Variants in APPBP2 observed in about 807,000 individuals in gnomAD.
The protein encoded by APPBP2 is amyloid protein-binding protein 2.
Under a neutral mutation model 76.0 loss-of-function variants are expected in APPBP2, and 15 were observed. The ratio of observed to expected loss-of-function variants is 0.20; its 90% CI spans 0.13 to 0.30. The LOEUF (loss-of-function observed/expected upper bound fraction) is 0.30, where lower values mean the gene tolerates loss of function less well. APPBP2 is among the 10% of genes least tolerant of loss of function. The pLI is 1.00. For missense variants in APPBP2, 401 were observed against 687.2 expected, an observed-to-expected ratio of 0.58 and a Z score of 4.66; for synonymous variants, 222 against 242.2, an observed-to-expected ratio of 0.92 and a Z score of 0.77.
chr17:60,478,233 T>A (rs1264915784), intron 4 of APPBP2, among the ~76,000 whole-genome samples: 1 of 152,018 alleles, frequency 6.6e-6, no homozygotes, highest in Non-Finnish European at 1.5e-5. Flanking sequence ...TAGTTTTATA[T>A]AAAAAAATAC....
At position 60,444,312 on chromosome 17, in the gene APPBP2, A is replaced by T. The variant is rs75062707; in HGVS notation, c.*3269T>A. The stretch of plus-strand genomic sequence containing the variant: ...GGCTACAAATTCTAGGGAAAACATA[A>T]AAAGTGGCAGTTAATGATACCTGTT... On this transcript the variant is annotated 3_prime_UTR_variant, in exon 13 of 13. Coordinates refer to ENST00000083182, the MANE Select transcript of APPBP2 (RefSeq NM_006380.5). The T allele has an allele frequency of 0.06, 9,214 of 152,480 alleles. 374 individuals carry two copies. Among genetic ancestry groups the T allele is most frequent in the East Asian group, 0.11 (576 of 5,156 alleles). The allele number at this position is 152,480 out of a possible 1,614,324, so 9.4% of individuals were successfully genotyped here.
At chr17:60,472,842 C>T (rs74594926) in intron 4 of APPBP2, among the ~76,000 whole-genome samples, 2,383 of 152,222 alleles carry the variant, frequency 0.016, 66 homozygotes, top group African/African-American at 0.053. Flanking sequence ...TTTTAAGGTA[C>T]ACTGCTTATG....
chr17:60,466,553 T>C, intron 4 of APPBP2, 94 bp from the exon 5 acceptor site: 1 of 1,205,614 alleles, frequency 8.3e-7, no homozygotes, highest in South Asian at 1.5e-5. Context: ...CTTAAGGTAA[T>C]TAAATACAAT....
intron 2 of APPBP2, among the ~76,000 whole-genome samples, chr17:60,495,439 A>T (rs867928219): frequency 4.6e-4 from 63 of 136,612 alleles, no homozygotes; most frequent in East Asian, 1.4e-3. Flanking sequence ...TTATTTATTT[A>T]TTATTTATTT....
chr17:60,492,585 T>C (rs1033967281), intron 3 of APPBP2, among the ~76,000 whole-genome samples: 1 of 152,218 alleles, frequency 6.6e-6, no homozygotes, highest in African/African-American at 2.4e-5. Context: ...AAAGATCATT[T>C]TGGAGCTTTA....
intron 3 of APPBP2, among the ~76,000 whole-genome samples, chr17:60,489,966 CG>C (rs1567932147): frequency 6.6e-6 from 1 of 152,032 alleles, no homozygotes; most frequent in Non-Finnish European, 1.5e-5. Flanking sequence ...ACACAAGAGG[CG>C]GAAGTTGCAG....
At chr17:60,516,748 T>C (rs1433420989) in intron 1 of APPBP2, among the ~76,000 whole-genome samples, 1 of 152,228 alleles carries the variant, frequency 6.6e-6, no homozygotes, top group East Asian at 1.9e-4. Flanking sequence ...TCAGTTTTAG[T>C]AGATAATGCT....
At chr17:60,512,073 C>T (rs916403632) in intron 1 of APPBP2, among the ~76,000 whole-genome samples, 4 of 151,742 alleles carry the variant, frequency 2.6e-5, no homozygotes, top group African/African-American at 9.7e-5. Flanking sequence ...TCTTTTTGGT[C>T]TCACTCCTTG....
intron 9 of APPBP2, chr17:60,460,055 G>C (rs1338185667): frequency 6.6e-6 from 1 of 152,148 alleles, no homozygotes; most frequent in African/African-American, 2.4e-5. Flanking sequence ...TCACCAAGAA[G>C]TTTTTAGGTT....
chr17:60,504,162 C>A (rs1488197036), intron 1 of APPBP2, among the ~76,000 whole-genome samples: 1 of 152,000 alleles, frequency 6.6e-6, no homozygotes. Flanking sequence ...ATTATGTACC[C>A]GTAGCATAAT....
chr17:60,500,501 C>T lies in APPBP2; in HGVS notation c.139-14G>A, dbSNP rs750172738. The stretch of plus-strand genomic sequence containing the variant: ...CTGTTGGTAAAGCTGAAATAAAAAA[C>T]AAATGATTTAAAAATTTTGCAATTT... On this transcript the variant is annotated splice_polypyrimidine_tract_variant and intron_variant, in intron 1 of 12. Transcript: ENST00000083182. The T allele has an allele frequency of 1.1e-5, 18 of 1,576,270 alleles. No homozygotes were observed. In the East Asian group the frequency reaches 3.8e-4, roughly 34 times the overall value.
At chr17:60,455,380 C>T (rs1427855316) in intron 10 of APPBP2, among the ~76,000 whole-genome samples, 1 of 152,106 alleles carries the variant, frequency 6.6e-6, no homozygotes, top group Non-Finnish European at 1.5e-5. Context: ...TCATGTATTA[C>T]TTGTGCAACT....
chr17:60,455,112 AT>A (rs936928802), intron 10 of APPBP2, among the ~76,000 whole-genome samples: 4 of 152,164 alleles, frequency 2.6e-5, no homozygotes, highest in African/African-American at 9.6e-5. Flanking sequence ...TCACTGTAGC[AT>A]TTTTTAAAAA....
At chr17:60,475,030 C>T (rs2090579236) in intron 4 of APPBP2, among the ~76,000 whole-genome samples, 1 of 152,124 alleles carries the variant, frequency 6.6e-6, no homozygotes, top group Non-Finnish European at 1.5e-5. Context: ...GAGATCGACA[C>T]CATCCAGGCT....
At chr17:60,515,887 G>A (rs1276776515) in intron 1 of APPBP2, among the ~76,000 whole-genome samples, 1 of 152,158 alleles carries the variant, frequency 6.6e-6, no homozygotes, top group Non-Finnish European at 1.5e-5. Context: ...AGATGAAGCT[G>A]GGTGCGGTGG....
At chr17:60,466,877 C>T (rs1436676241) in intron 4 of APPBP2, among the ~76,000 whole-genome samples, 2 of 152,062 alleles carry the variant, frequency 1.3e-5, no homozygotes, top group Non-Finnish European at 2.9e-5. Context: ...TGATCAGTTA[C>T]CACTTATTTC....
At chr17:60,525,149 T>C (rs1199747074) in intron 1 of APPBP2, among the ~76,000 whole-genome samples, 1 of 152,242 alleles carries the variant, frequency 6.6e-6, no homozygotes, top group Admixed American at 6.5e-5. Context: ...CCCTGTCCTC[T>C]TCAAACAGTT....
At position 60,526,134 on chromosome 17, in the gene APPBP2, T is replaced by C; in HGVS notation, c.-203A>G. 3.4e-6 allele frequency: 2 copies of C among 580,286 alleles called. No homozygotes were observed. Among genetic ancestry groups the C allele is most frequent in the South Asian group, 4.0e-5 (2 of 49,914 alleles). 35.9% of individuals were successfully genotyped at this position (580,286 alleles called of 1,614,324 possible). A position where few individuals can be genotyped will look rare whatever the true frequency, so the allele number is the denominator to read the frequency against. ...AGCGGACGCAGGCCCGAGTAAAAAG[T>C]GGGACAGAAAACAGCGGCCAGCCAG... is the stretch of plus-strand genomic sequence containing the variant. On this transcript the variant is annotated 5_prime_UTR_variant, in exon 1 of 13. Transcript: ENST00000083182.
intron 1 of APPBP2, 79 bp downstream of exon 1, chr17:60,525,715 C>A: frequency 6.3e-7 from 1 of 1,593,834 alleles, no homozygotes; most frequent in Non-Finnish European, 8.5e-7. Flanking sequence ...GGGTTAACTG[C>A]GGGGGTTCGC....
Sources: allele counts gnomAD v4.1 joint callset (sites outside exome capture counted in the v4.1 genomes callset), GRCh38; gene constraint gnomAD v4.1.1; transcripts MANE v1.5; gene names NCBI Gene and HGNC (gene_info 2026-07-23, HGNC 2026-07-21).